Variants in WDR70 observed in about 807,000 individuals in gnomAD.
WDR70 encodes the protein WD repeat-containing protein 70.
A neutral mutation model predicts 88.6 loss-of-function variants in WDR70; 53 were observed. The ratio of observed to expected loss-of-function variants is 0.60; its 90% CI spans 0.48 to 0.75. The LOEUF (loss-of-function observed/expected upper bound fraction) is 0.75. WDR70 is among the 30% of genes least tolerant of loss of function. The probability of loss-of-function intolerance (pLI) is 0.00; values close to 1 mark genes in which losing one functional copy is unlikely to be tolerated. For synonymous variants in WDR70, 280 were observed against 270.0 expected (o/e 1.04, Z -0.36); for missense variants, 610 against 823.2 (o/e 0.74, Z 3.17).
chr5:37,640,425 T>G (rs557234972), intron 10 of WDR70, among the ~76,000 whole-genome samples: 1 of 152,320 alleles, frequency 6.6e-6, no homozygotes, highest in Non-Finnish European at 1.5e-5. Flanking sequence ...TGTTCACTAG[T>G]TTTTAATAAA....
At chr5:37,388,057 T>A (rs1379385044) in intron 3 of WDR70, among the ~76,000 whole-genome samples, 6 of 152,050 alleles carry the variant, frequency 3.9e-5, no homozygotes, top group African/African-American at 7.2e-5. Context: ...TGGTACAAAT[T>A]TTTTTTAATG....
intron 5 of WDR70, among the ~76,000 whole-genome samples, chr5:37,427,938 C>G (rs1675160399): frequency 6.6e-6 from 1 of 151,304 alleles, no homozygotes; most frequent in South Asian, 2.1e-4. Flanking sequence ...TAGTTCTGGA[C>G]AGTGAAATGT....
At chr5:37,516,749 T>G (rs1740902243) in intron 9 of WDR70, among the ~76,000 whole-genome samples, 159 bp downstream of exon 9, 1 of 146,008 alleles carries the variant, frequency 6.8e-6, no homozygotes, top group African/African-American at 2.5e-5. Context: ...TAAGGGGGAG[T>G]CTTGCTCTGT....
chr5:37,475,429 G>C (rs1739450659), intron 7 of WDR70, among the ~76,000 whole-genome samples: 1 of 151,742 alleles, frequency 6.6e-6, no homozygotes, highest in South Asian at 2.1e-4. Flanking sequence ...GTAGAGACGG[G>C]GTTTCTCCAT....
At position 37,467,782 on chromosome 5, in the gene WDR70, T is replaced by G. The variant is rs1011440403; in HGVS notation, c.687-12052T>G. Among the ~76,000 whole-genome samples, 22 of 152,032 alleles carry G rather than the reference T, an allele frequency of 1.4e-4. No homozygotes were observed. In the East Asian group the frequency reaches 3.5e-3, roughly 24 times the overall value. Reference sequence around the variant, plus strand: ...CCCAGGCCGGACTGCAGTGGCGCTATCTCGGCTCACTGCAAGCTCCGCCTC... The same window carrying G: ...CCCAGGCCGGACTGCAGTGGCGCTAGCTCGGCTCACTGCAAGCTCCGCCTC... On this transcript the variant is annotated intron_variant, in intron 7 of 17. Coordinates refer to ENST00000265107, the MANE Select transcript of WDR70 (RefSeq NM_018034.4).
intron 10 of WDR70, among the ~76,000 whole-genome samples, chr5:37,631,509 A>G (rs1410828987): frequency 6.6e-6 from 1 of 152,186 alleles, no homozygotes; most frequent in Non-Finnish European, 1.5e-5. Flanking sequence ...AGGAATTGTT[A>G]TTAATGCTTT....
intron 10 of WDR70, among the ~76,000 whole-genome samples, chr5:37,626,735 GCCGT>G (rs1238310545): frequency 1.3e-5 from 2 of 152,154 alleles, no homozygotes; most frequent in Non-Finnish European, 2.9e-5. Context: ...CAGCAGTAAA[GCCGT>G]CTGGTTTTGG....
At chr5:37,679,712 C>T (rs1319763396) in intron 10 of WDR70, among the ~76,000 whole-genome samples, 2 of 152,224 alleles carry the variant, frequency 1.3e-5, no homozygotes. Flanking sequence ...GGCAGTCTGC[C>T]CGTTCTCAGA....
At chr5:37,526,391 A>T (rs1490609193) in intron 9 of WDR70, among the ~76,000 whole-genome samples, 1 of 152,376 alleles carries the variant, frequency 6.6e-6, no homozygotes, top group African/African-American at 2.4e-5. Context: ...CCACATGATT[A>T]TCTCAATAGA....
chr5:37,525,774 A>G (rs547527664), intron 9 of WDR70, among the ~76,000 whole-genome samples: 7 of 152,342 alleles, frequency 4.6e-5, no homozygotes, highest in Admixed American at 2.6e-4. Flanking sequence ...AATCAAATAG[A>G]TGCAATACAA....
At chr5:37,548,373 A>T (rs1315005480) in intron 9 of WDR70, among the ~76,000 whole-genome samples, 1 of 151,786 alleles carries the variant, frequency 6.6e-6, no homozygotes, top group Non-Finnish European at 1.5e-5. Context: ...TTTTATTTTC[A>T]TTTGTCTGGT....
chr5:37,447,206 A>G (rs767385924), intron 7 of WDR70, among the ~76,000 whole-genome samples: 2 of 152,256 alleles, frequency 1.3e-5, no homozygotes, highest in Non-Finnish European at 2.9e-5. Flanking sequence ...ATCATTGGCC[A>G]TTAGAGAAAT....
At chr5:37,425,351 C>T (rs542893238) in intron 5 of WDR70, among the ~76,000 whole-genome samples, 63 of 152,322 alleles carry the variant, frequency 4.1e-4, no homozygotes, top group Non-Finnish European at 7.5e-4. Flanking sequence ...GAAGTGCTAA[C>T]TGGGAGACAG....
At chr5:37,422,250 T>C (rs1446917906) in intron 5 of WDR70, among the ~76,000 whole-genome samples, 2 of 151,952 alleles carry the variant, frequency 1.3e-5, no homozygotes, top group African/African-American at 4.8e-5. Context: ...TGTTTAACTT[T>C]ACCTGAAACA....
chr5:37,471,391 A>G (rs1008010010), intron 7 of WDR70, among the ~76,000 whole-genome samples: 1 of 151,442 alleles, frequency 6.6e-6, no homozygotes, highest in African/African-American at 2.4e-5. Context: ...ACTTCTCATA[A>G]CATTATTGGA....
intron 9 of WDR70, among the ~76,000 whole-genome samples, chr5:37,545,678 T>C (rs1741968943): frequency 6.6e-6 from 1 of 152,156 alleles, no homozygotes; most frequent in East Asian, 1.9e-4. Context: ...TGCACCACCA[T>C]GCCCAGCTAA....
At chr5:37,400,504 AAAGAG>A (rs1486235497) in intron 5 of WDR70, among the ~76,000 whole-genome samples, 1 of 152,170 alleles carries the variant, frequency 6.6e-6, no homozygotes, top group Non-Finnish European at 1.5e-5. Context: ...GTCTTTATAA[AAAGAG>A]TCACCAGAAA....
chr5:37,718,005 G>A (rs773176951), intron 13 of WDR70, among the ~76,000 whole-genome samples: 17 of 152,146 alleles, frequency 1.1e-4, no homozygotes, highest in Non-Finnish European at 1.8e-4. Context: ...TTGCTCACTG[G>A]CCTCTCATTT....
intron 8 of WDR70, among the ~76,000 whole-genome samples, chr5:37,497,224 G>A (rs1257182476): frequency 6.7e-5 from 7 of 104,482 alleles, no homozygotes; most frequent in African/African-American, 1.9e-4. Context: ...ATCCTCCTCC[G>A]TCCTCCCTCC....
Sources: allele counts gnomAD v4.1 joint callset (sites outside exome capture counted in the v4.1 genomes callset), GRCh38; gene constraint gnomAD v4.1.1; transcripts MANE v1.5; gene names NCBI Gene and HGNC (gene_info 2026-07-23, HGNC 2026-07-21).